HEATR5A: variants seen among roughly 807,000 people sequenced by gnomAD.
HEATR5A encodes the protein HEAT repeat-containing protein 5A.
A neutral mutation model predicts 218.8 loss-of-function variants in HEATR5A; 178 were observed. The observed-to-expected ratio is 0.81, with a 90% CI of 0.72 to 0.92. The LOEUF is 0.92. Ranked by LOEUF, HEATR5A falls within the 40% of genes least tolerant of loss-of-function variation. The pLI is 0.00. For synonymous variants in HEATR5A, 864 were observed against 871.6 expected (o/e 0.99, Z 0.15); for missense variants, 2,420 against 2,418.9 (o/e 1.00, Z -0.01).
intron 22 of HEATR5A, among the ~76,000 whole-genome samples, chr14:31,336,201 TATATATAC>T (rs1410669792): frequency 1.4e-3 from 16 of 11,676 alleles, no homozygotes; most frequent in African/African-American, 2.7e-3. Context: ...GGGTTATTTT[TATATATAC>T]ATACATACAT....
At chr14:31,350,337 C>A (rs1374097051) in intron 17 of HEATR5A, among the ~76,000 whole-genome samples, 1 of 152,010 alleles carries the variant, frequency 6.6e-6, no homozygotes, top group African/African-American at 2.4e-5. Flanking sequence ...TGGATTTGGT[C>A]CACAGGCCAT....
At chr14:31,325,505 T>G (rs1900237828) in intron 23 of HEATR5A, among the ~76,000 whole-genome samples, 2 of 151,788 alleles carry the variant, frequency 1.3e-5, no homozygotes, top group African/African-American at 4.8e-5. Context: ...TGTATGTATG[T>G]ATGTATGTAT....
At chr14:31,409,332 G>T (rs1332462497) in intron 1 of HEATR5A, among the ~76,000 whole-genome samples, 1 of 150,774 alleles carries the variant, frequency 6.6e-6, no homozygotes, top group African/African-American at 2.4e-5. Context: ...ACAGGCGTGA[G>T]CCACCATGCC....
chr14:31,321,356 G>A, intron 25 of HEATR5A, 143 bp downstream of exon 25: 2 of 548,252 alleles, frequency 3.6e-6, no homozygotes, highest in Non-Finnish European at 6.4e-6. Context: ...ATGCTGCCCG[G>A]TCTTGAACTC....
At chr14:31,322,841 A>G (rs966136277) in intron 24 of HEATR5A, among the ~76,000 whole-genome samples, 5 of 151,652 alleles carry the variant, frequency 3.3e-5, no homozygotes, top group African/African-American at 1.2e-4. Flanking sequence ...AAAAAACACA[A>G]ATATGTATTG....
intron 13 of HEATR5A, among the ~76,000 whole-genome samples, chr14:31,368,754 A>T (rs1901905032): frequency 6.6e-6 from 1 of 151,230 alleles, no homozygotes; most frequent in African/African-American, 2.4e-5. Context: ...TAGAGATGAG[A>T]CCTCACTATG....
intron 19 of HEATR5A, 127 bp from the exon 20 acceptor site, chr14:31,345,403 G>A: frequency 1.4e-6 from 1 of 696,936 alleles, no homozygotes; most frequent in African/African-American, 1.8e-5. Context: ...CTACTCATGT[G>A]GAAAGAGAAA....
At chr14:31,371,967 T>A (rs1902051739) in intron 12 of HEATR5A, 58 bp from the exon 13 acceptor site, 2 of 738,652 alleles carry the variant, frequency 2.7e-6, no homozygotes, top group South Asian at 3.6e-5. Flanking sequence ...GAAAGGCACA[T>A]TTGATTATGG....
intron 9 of HEATR5A, among the ~76,000 whole-genome samples, chr14:31,384,106 A>G (rs952044932): frequency 3.3e-5 from 5 of 152,202 alleles, no homozygotes; most frequent in Non-Finnish European, 7.3e-5. Context: ...TTAATTTGGT[A>G]CTAAAAATTA....
chr14:31,356,717 G>A (rs1901439109), intron 16 of HEATR5A, among the ~76,000 whole-genome samples: 2 of 152,034 alleles, frequency 1.3e-5, no homozygotes, highest in Non-Finnish European at 2.9e-5. Flanking sequence ...AAAACTATGA[G>A]CACATTAAAA....
chr14:31,294,798 G>A (rs1899125551), intron 34 of HEATR5A, among the ~76,000 whole-genome samples: 1 of 152,096 alleles, frequency 6.6e-6, no homozygotes, highest in Non-Finnish European at 1.5e-5. Flanking sequence ...AAGATATTTT[G>A]TTGATTTCAG....
chr14:31,368,370 A>C (rs1901883217), intron 13 of HEATR5A, among the ~76,000 whole-genome samples: 1 of 152,174 alleles, frequency 6.6e-6, no homozygotes, highest in Non-Finnish European at 1.5e-5. Flanking sequence ...TAAATTATCC[A>C]GCCTCAGGTA....
In HEATR5A at chr14:31,349,927, G is replaced by T. The variant is rs1401508718; in HGVS notation, c.2570C>A (p.Ala857Asp). ...TAGGGCTCCCATAACTAATGTTAAG[G>T]CAAATCTTTTCATTTCTTCTGGACC... The part of the protein sequence containing the change: ...CLGPEEMKRF[A>D]LTLVMGALES... Residue 857 changes from alanine to aspartate, a missense_variant, in exon 18 of 36, where the codon GCC becomes GAC. Transcript: ENST00000543095. 2 of 1,608,204 alleles carry T rather than the reference G, an allele frequency of 1.2e-6. No individual in the cohort carries two copies. The highest frequency in any genetic ancestry group is 1.7e-6 in the Non-Finnish European group (2 of 1,176,998).
chr14:31,403,833 G>A (rs958368299), intron 1 of HEATR5A, among the ~76,000 whole-genome samples: 4 of 152,116 alleles, frequency 2.6e-5, no homozygotes, highest in African/African-American at 4.8e-5. Context: ...CAGAGCACAC[G>A]CAGCATATAA....
At chr14:31,420,250 CG>C (rs1418348724) in intron 1 of HEATR5A, 2 of 152,474 alleles carry the variant, frequency 1.3e-5, no homozygotes, top group African/African-American at 4.8e-5. Flanking sequence ...AGCCCCTTCT[CG>C]GCGGACTCCA....
intron 10 of HEATR5A, among the ~76,000 whole-genome samples, chr14:31,380,890 G>A (rs552390599): frequency 2.0e-5 from 3 of 152,256 alleles, no homozygotes; most frequent in African/African-American, 4.8e-5. Context: ...TTAGTTTTGA[G>A]CAACTATCCT....
chr14:31,403,272 C>T (rs2030942654), intron 1 of HEATR5A, among the ~76,000 whole-genome samples: 1 of 152,100 alleles, frequency 6.6e-6, no homozygotes, highest in Admixed American at 6.6e-5. Flanking sequence ...GCAATATTTG[C>T]ATTTGTATGC....
chr14:31,366,985 T>A (rs1901827733), intron 13 of HEATR5A, among the ~76,000 whole-genome samples: 1 of 152,150 alleles, frequency 6.6e-6, no homozygotes, highest in South Asian at 2.1e-4. Context: ...TGAAAAGCAT[T>A]CCCTTTAACC....
intron 22 of HEATR5A, among the ~76,000 whole-genome samples, chr14:31,328,724 C>T (rs1346473032): frequency 5.3e-5 from 8 of 151,712 alleles, no homozygotes; most frequent in Non-Finnish European, 8.8e-5. Context: ...ACTAAAAATA[C>T]AAAAAATTAG....
Sources: gnomAD v4.1 joint callset for allele counts (sites outside exome capture counted in the v4.1 genomes callset) on GRCh38, gnomAD v4.1.1 for gene constraint, MANE v1.5 for transcripts, NCBI Gene and HGNC (gene_info 2026-07-23, HGNC 2026-07-21) for gene names.